Variants in COLGALT2 observed in about 807,000 individuals in gnomAD.
COLGALT2 encodes the protein procollagen galactosyltransferase 2.
Under a neutral mutation model 73.4 loss-of-function variants are expected in COLGALT2, and 49 were observed. That is an observed-to-expected ratio of 0.67 (90% CI 0.53 to 0.85). The LOEUF (loss-of-function observed/expected upper bound fraction) is 0.85. Among genes scored for constraint, COLGALT2 ranks in the 40% least tolerant of loss-of-function variants. The pLI, the probability that COLGALT2 is intolerant of heterozygous loss-of-function variation, is 0.00. For missense variants in COLGALT2, 722 were observed against 790.2 expected, an observed-to-expected ratio of 0.91 and a Z score of 1.03; for synonymous variants, 295 against 307.6, an observed-to-expected ratio of 0.96 and a Z score of 0.43.
intron 6 of COLGALT2, among the ~76,000 whole-genome samples, chr1:183,955,110 A>G (rs1480247192): frequency 6.6e-6 from 1 of 152,184 alleles, no homozygotes; most frequent in African/African-American, 2.4e-5. Context: ...AGTTTAGGAT[A>G]ATGGTTAAGA....
chr1:183,969,154 G>T, intron 5 of COLGALT2, 115 bp downstream of exon 5: 1 of 829,944 alleles, frequency 1.2e-6, no homozygotes, highest in Non-Finnish European at 1.8e-6. Flanking sequence ...ACAATTTACT[G>T]CCTCTCACTA....
intron 11 of COLGALT2, among the ~76,000 whole-genome samples, chr1:183,939,366 C>T (rs1290965542): frequency 6.6e-6 from 1 of 152,214 alleles, no homozygotes; most frequent in East Asian, 1.9e-4. Flanking sequence ...CCAAAAATGC[C>T]CTGCTTTGGG....
chr1:183,956,169 C>A (rs572940192), intron 6 of COLGALT2, among the ~76,000 whole-genome samples: 5 of 152,298 alleles, frequency 3.3e-5, no homozygotes, highest in African/African-American at 1.2e-4. Flanking sequence ...TAACTTTGCC[C>A]ATCCTGAGAT....
intron 1 of COLGALT2, among the ~76,000 whole-genome samples, chr1:184,003,740 A>G (rs903763889): frequency 6.6e-6 from 1 of 152,142 alleles, no homozygotes; most frequent in Non-Finnish European, 1.5e-5. Context: ...TTTTCATACC[A>G]TTTCAATTTT....
At chr1:183,952,573 T>TA (rs1670430265) in intron 7 of COLGALT2, among the ~76,000 whole-genome samples, 1 of 152,248 alleles carries the variant, frequency 6.6e-6, no homozygotes. Context: ...AATGCAGTCA[T>TA]AAATATATGT....
In COLGALT2 at chr1:183,973,704, A is replaced by G. The variant is rs144766145; in HGVS notation, c.539T>C (p.Leu180Pro). The change falls in exon 4 of 12, where the codon CTA (leucine) becomes CCA (proline). Residue 180 changes from leucine (L) to proline (P), a missense_variant. Physicochemically the swap from Leu to Pro is moderately conservative, Grantham distance 98. Coordinates refer to ENST00000361927, the MANE Select transcript of COLGALT2 (RefSeq NM_015101.4). ...AATAGTTTTGTTTTCTGCAATCAGT[A>G]GATTGAGGGTCTGTGGATTAGTCAG... ...NFLTNPQTLN[L>P]LIAENKTIVA... is the part of the protein sequence containing the mutation. 442 of 1,613,778 alleles carry G rather than the reference A, an allele frequency of 2.7e-4. 1 individual carries two copies. The highest frequency in any genetic ancestry group is 3.4e-4 in the Non-Finnish European group (407 of 1,179,844).
intron 5 of COLGALT2, among the ~76,000 whole-genome samples, chr1:183,964,919 C>A (rs1001898960): frequency 6.6e-6 from 1 of 152,094 alleles, no homozygotes; most frequent in Non-Finnish European, 1.5e-5. Flanking sequence ...TTGTTAATTG[C>A]GATAATTGTC....
intron 10 of COLGALT2, 122 bp downstream of exon 10, chr1:183,944,074 A>T: frequency 8.4e-7 from 1 of 1,184,260 alleles, no homozygotes; most frequent in Non-Finnish European, 1.1e-6. Flanking sequence ...TTATGGAAAG[A>T]AAACTAGATA....
chr1:184,020,844 T>C (rs1234244232), intron 1 of COLGALT2, among the ~76,000 whole-genome samples: 1 of 152,164 alleles, frequency 6.6e-6, no homozygotes, highest in Admixed American at 6.5e-5. Context: ...ACATTCTTGC[T>C]TGGAGTCTCT....
At chr1:183,952,740 A>G (rs545451040) in intron 7 of COLGALT2, among the ~76,000 whole-genome samples, 1 of 152,334 alleles carries the variant, frequency 6.6e-6, no homozygotes, top group East Asian at 1.9e-4. Flanking sequence ...GGCCAAGTAG[A>G]TTAAGTGCAT....
intron 10 of COLGALT2, among the ~76,000 whole-genome samples, chr1:183,941,544 T>C (rs908221885): frequency 9.2e-5 from 14 of 152,242 alleles, no homozygotes; most frequent in African/African-American, 3.4e-4. Flanking sequence ...ACCTATTGAT[T>C]TGGGCTTGAC....
chr1:183,942,345 A>G (rs943406), intron 10 of COLGALT2, among the ~76,000 whole-genome samples: 25,086 of 152,102 alleles, frequency 0.16, 2,273 homozygotes, highest in Admixed American at 0.25. Flanking sequence ...CAAAAAAAAA[A>G]AGAAGGTAAA....
At chr1:184,022,685 G>A (rs2102855998) in intron 1 of COLGALT2, among the ~76,000 whole-genome samples, 1 of 152,286 alleles carries the variant, frequency 6.6e-6, no homozygotes, top group East Asian at 1.9e-4. Flanking sequence ...ATATAGCTTA[G>A]GGGAAGCAAC....
intron 1 of COLGALT2, among the ~76,000 whole-genome samples, chr1:184,019,072 A>G (rs1215872402): frequency 6.6e-6 from 1 of 152,208 alleles, no homozygotes; most frequent in East Asian, 1.9e-4. Flanking sequence ...CCTTTCAAAA[A>G]GAAACAAATC....
intron 5 of COLGALT2, 79 bp downstream of exon 5, chr1:183,969,190 T>TTC: frequency 7.8e-7 from 1 of 1,277,624 alleles, no homozygotes; most frequent in Non-Finnish European, 1.1e-6. Flanking sequence ...TTTTTTTTTT[T>TTC]AATAAAATGC....
At chr1:183,968,421 T>G (rs991892606) in intron 5 of COLGALT2, among the ~76,000 whole-genome samples, 6 of 152,230 alleles carry the variant, frequency 3.9e-5, no homozygotes, top group Admixed American at 1.3e-4. Context: ...CAGGCCCCAC[T>G]AGAAATGCTT....
At chr1:183,931,505 TC>T (rs1190106688), downstream of COLGALT2, among the ~76,000 whole-genome samples, 2 of 152,070 alleles carry the variant, frequency 1.3e-5, no homozygotes, top group Non-Finnish European at 2.9e-5. Flanking sequence ...TCTCGGGTGT[TC>T]CCCGGGGGTG....
chr1:183,940,554 G>A, intron 11 of COLGALT2, 27 bp downstream of exon 11: 1 of 1,603,550 alleles, frequency 6.2e-7, no homozygotes, highest in Non-Finnish European at 8.5e-7. Context: ...GTGCCCAAGG[G>A]AAGGCAGGCA....
chr1:184,032,198 G>A (rs1649535647), intron 1 of COLGALT2, among the ~76,000 whole-genome samples: 1 of 152,070 alleles, frequency 6.6e-6, no homozygotes. Flanking sequence ...CCAGATAAAT[G>A]TTAGTTTCCT....
Sources: gnomAD v4.1 joint callset for allele counts (sites outside exome capture counted in the v4.1 genomes callset) on GRCh38, gnomAD v4.1.1 for gene constraint, MANE v1.5 for transcripts, NCBI Gene and HGNC (gene_info 2026-07-23, HGNC 2026-07-21) for gene names.